NR2E1: variants seen among roughly 807,000 people sequenced by gnomAD.
The protein encoded by NR2E1 is nuclear receptor subfamily 2 group E member 1.
In NR2E1, 5 loss-of-function variants were observed where a neutral mutation model predicts 43.6. The ratio of observed to expected loss-of-function variants is 0.11; its 90% CI spans 0.06 to 0.24. The LOEUF (loss-of-function observed/expected upper bound fraction) is 0.24. Among genes scored for constraint, NR2E1 ranks in the 10% least tolerant of loss-of-function variants. NR2E1 has a pLI of 1.00. For missense variants in NR2E1, 287 were observed against 496.7 expected (o/e 0.58, Z 4.01); for synonymous variants, 191 against 195.5 (o/e 0.98, Z 0.19).
rs1360895532 is a variant in NR2E1 at position 108,171,729 on chromosome 6, T to G, written c.171+126T>G. On this transcript the variant is annotated intron_variant, in intron 2 of 8. Transcript: ENST00000368986. ...GACCCGGCCCTGACCTCTCCCTTCC[T>G]CTCCCCTCCTTCTTGCCTCAACTCT... is the stretch of plus-strand genomic sequence containing the variant. 12 of 1,203,732 alleles carry G rather than the reference T, an allele frequency of 1.0e-5. No homozygotes were observed. In the Admixed American group the frequency reaches 1.9e-4, roughly 19 times the overall value. The allele number at this position is 1,203,732 out of a possible 1,614,324, so 74.6% of individuals were successfully genotyped here.
chr6:108,170,785 C>T (rs1773799407), intron 1 of NR2E1, among the ~76,000 whole-genome samples: 1 of 152,100 alleles, frequency 6.6e-6, no homozygotes, highest in Non-Finnish European at 1.5e-5. Context: ...TTGCCTAGTC[C>T]CGAACCACTT....
In NR2E1 at chr6:108,180,307, A is replaced by C; in HGVS notation, c.643-16A>C. On this transcript the variant is annotated splice_polypyrimidine_tract_variant and intron_variant, in intron 5 of 8. Coordinates refer to ENST00000368986, the MANE Select transcript of NR2E1 (RefSeq NM_003269.5). The surrounding 1 kb of genome is among the most constrained non-coding windows in gnomAD (Gnocchi z 5.4). ...AATTACACACTATATTATATTATAC[A>C]TCTATTGTATGACAGCTGATGCTTT... 2 of 1,470,766 alleles carry C rather than the reference A, an allele frequency of 1.4e-6. No homozygotes were observed. Among genetic ancestry groups the C allele is most frequent in the Non-Finnish European group, 1.9e-6 (2 of 1,049,706 alleles). 91.1% of individuals were successfully genotyped at this position (1,470,766 alleles called of 1,614,324 possible).
intron 4 of NR2E1, 37 bp downstream of exon 4, chr6:108,176,775 A>C: frequency 6.6e-7 from 1 of 1,524,044 alleles, no homozygotes; most frequent in Non-Finnish European, 8.8e-7. Context: ...GACTCGTGCC[A>C]GCGAATGGAG....
rs1007804493 is a variant in NR2E1, at chr6:108,169,233, A to C, written c.26-2225A>C. Among the ~76,000 whole-genome samples the C allele has an allele frequency of 6.6e-6, 1 of 152,084 alleles. No homozygotes were observed. Among genetic ancestry groups the C allele is most frequent in the Non-Finnish European group, 1.5e-5 (1 of 68,008 alleles). On this transcript the variant is annotated intron_variant, in intron 1 of 8. Transcript: ENST00000368986. The surrounding 1 kb of genome is among the most constrained non-coding windows in gnomAD (Gnocchi z 6.1). ...CGCCCCAGCCCGGTTGCCTGTTTCT[A>C]ATCTGCCCCGGGAGCCGCGGCTCAG...
intron 8 of NR2E1, among the ~76,000 whole-genome samples, chr6:108,185,461 A>G (rs1402078201): frequency 6.6e-6 from 1 of 151,924 alleles, no homozygotes; most frequent in African/African-American, 2.4e-5. Context: ...CCCAGGCTGC[A>G]TTGCAGTGGT....
At chr6:108,172,678 G>A (rs1472151935) in intron 2 of NR2E1, among the ~76,000 whole-genome samples, 1 of 152,166 alleles carries the variant, frequency 6.6e-6, no homozygotes, top group Non-Finnish European at 1.5e-5. Context: ...TATATATAGG[G>A]TACATGTATA....
chr6:108,171,412 T>TG, intron 1 of NR2E1, 46 bp from the exon 2 acceptor site: 1 of 1,608,070 alleles, frequency 6.2e-7, no homozygotes, highest in Admixed American at 1.7e-5. Flanking sequence ...CGCCCTCCTT[T>TG]CCCTCTCGCC....
intron 8 of NR2E1, among the ~76,000 whole-genome samples, chr6:108,186,886 A>G (rs559247508): frequency 8.5e-4 from 130 of 152,306 alleles, no homozygotes; most frequent in African/African-American, 2.9e-3. Flanking sequence ...ATTTTATTTG[A>G]GGGAAATAGC....
Position 108,187,637 on chromosome 6 carries a change from G to A in NR2E1, c.*174G>A. On this transcript the variant is annotated 3_prime_UTR_variant, in exon 9 of 9. Transcript: ENST00000368986. ...TCCAGTAGCTATGACCTGCCGCCCT[G>A]ACCAGGATAGGGCGGGTGGGAAGGA... 2 of 690,508 alleles carry A rather than the reference G, an allele frequency of 2.9e-6. No individual in the cohort carries two copies. The highest frequency in any genetic ancestry group is 5.1e-6 in the Non-Finnish European group (2 of 394,418). The allele number at this position is 690,508 out of a possible 1,614,324, so 42.8% of individuals were successfully genotyped here.
In NR2E1 at chr6:108,169,171, A is replaced by C. The variant is rs897215636; in HGVS notation, c.26-2287A>C. On this transcript the variant is annotated intron_variant, in intron 1 of 8. Transcript: ENST00000368986. The surrounding 1 kb of genome is among the most constrained non-coding windows in gnomAD (Gnocchi z 6.1). ...GCGGAGTCTGAGGCACAGGCCCGCT[A>C]TGCCCCGGAATTTTCGCGTCCCTCC... Among the ~76,000 whole-genome samples, 2 of 152,108 alleles carry C rather than the reference A, an allele frequency of 1.3e-5. No homozygotes were observed. Among genetic ancestry groups the C allele is most frequent in the Non-Finnish European group, 2.9e-5 (2 of 68,000 alleles).
intron 8 of NR2E1, among the ~76,000 whole-genome samples, chr6:108,184,428 C>T (rs1030603434): frequency 2.6e-5 from 4 of 152,100 alleles, no homozygotes; most frequent in African/African-American, 9.7e-5. Context: ...CTTATCATTG[C>T]AAGAAGTGGG....
intron 2 of NR2E1, among the ~76,000 whole-genome samples, chr6:108,173,698 C>CTAACAG (rs1562403198): frequency 1.3e-5 from 2 of 152,208 alleles, no homozygotes; most frequent in East Asian, 3.8e-4. Context: ...TTTCTTCTCA[C>CTAACAG]TACAAATCTA....
rs377476398 is a variant in NR2E1, at chr6:108,180,327, T to C, written c.647T>C (p.Met216Thr). 1 of 1,604,284 alleles carries C rather than the reference T, an allele frequency of 6.2e-7. No individual in the cohort carries two copies. The highest frequency in any genetic ancestry group is 8.5e-7 in the Non-Finnish European group (1 of 1,171,132). The change falls in exon 6 of 9, where the codon ATG (methionine) becomes ACG (threonine). Residue 216 changes from methionine (M) to threonine (T), a missense_variant. Coordinates refer to ENST00000368986, the MANE Select transcript of NR2E1 (RefSeq NM_003269.5). The surrounding 1 kb of genome is among the most constrained non-coding windows in gnomAD (Gnocchi z 5.4). The stretch of plus-strand genomic sequence containing the variant: ...TATACATCTATTGTATGACAGCTGA[T>C]GCTTTTGGAAGATGCTTGGAGAGAA... Reference protein sequence around the residue: ...FSTLSLQDQLMLLEDAWRELF... With the variant: ...FSTLSLQDQLTLLEDAWRELF...
rs1251986791 is a variant in NR2E1, at chr6:108,166,892, C to T, written c.25+102C>T. ...TGCCTGGAGCGCTGCGAATCTGAGCCCCTGAGAGGGATTCCAGCGGGCGTG... is the reference window on the plus strand; with the variant it reads ...TGCCTGGAGCGCTGCGAATCTGAGCTCCTGAGAGGGATTCCAGCGGGCGTG... On this transcript the variant is annotated intron_variant, in intron 1 of 8. Coordinates refer to ENST00000368986, the MANE Select transcript of NR2E1 (RefSeq NM_003269.5). The surrounding 1 kb of genome is among the most constrained non-coding windows in gnomAD (Gnocchi z 7.2). The T allele has an allele frequency of 3.3e-6, 4 of 1,226,828 alleles. No homozygotes were observed. Among genetic ancestry groups the T allele is most frequent in the South Asian group, 1.3e-5 (1 of 77,718 alleles). 76.0% of individuals were successfully genotyped at this position (1,226,828 alleles called of 1,614,324 possible).
chr6:108,176,760 A>G (rs1181984529), intron 4 of NR2E1, 22 bp downstream of exon 4: 1 of 1,539,672 alleles, frequency 6.5e-7, no homozygotes, highest in Admixed American at 1.9e-5. Flanking sequence ...TGCTGGGCCC[A>G]AAGAGACTCG....
chr6:108,181,024 C>A lies in NR2E1; in HGVS notation c.889+68C>A, dbSNP rs281865508. 16 of 1,532,452 alleles carry A rather than the reference C, an allele frequency of 1.0e-5. No individual in the cohort carries two copies. In the African/African-American group the frequency reaches 1.8e-4, roughly 17 times the overall value. The allele number at this position is 1,532,452 out of a possible 1,614,324, so 94.9% of individuals were successfully genotyped here. A position where few individuals can be genotyped will look rare whatever the true frequency, so the allele number is the denominator to read the frequency against. On this transcript the variant is annotated intron_variant, in intron 7 of 8. Coordinates refer to ENST00000368986, the MANE Select transcript of NR2E1 (RefSeq NM_003269.5). ...TGCCACCTCACTAATTCAGCCACCT[C>A]GAAGTCTGAACTGACCTTTGCAAAA...
rs1774102060 is a variant in NR2E1, at chr6:108,187,975, CATT to C, written c.*517_*519del. 3 of 169,196 alleles carry C rather than the reference CATT, an allele frequency of 1.8e-5. No individual in the cohort carries two copies. Among genetic ancestry groups the C allele is most frequent in the Non-Finnish European group, 2.6e-5 (2 of 76,692 alleles). 10.5% of individuals were successfully genotyped at this position (169,196 alleles called of 1,614,324 possible). A position where few individuals can be genotyped will look rare whatever the true frequency, so the allele number is the denominator to read the frequency against. ...CAAAAGTTTCCCCTCTATTGTAATA[CATT>C]ATTAAGTGGCCTTCAGAACTGAGTT... On this transcript the variant is annotated 3_prime_UTR_variant, in exon 9 of 9. Coordinates refer to ENST00000368986, the MANE Select transcript of NR2E1 (RefSeq NM_003269.5).
rs1008354954 is a variant in NR2E1 at position 108,166,843 on chromosome 6, G to A, written c.25+53G>A. On this transcript the variant is annotated intron_variant, in intron 1 of 8. Transcript: ENST00000368986. The surrounding 1 kb of genome is among the most constrained non-coding windows in gnomAD (Gnocchi z 7.2). ...CCTAGGCGCGCAGCCTGGGGCGAGC[G>A]AGCGGGGAGGCTGGGGGAGGTCCTG... 3.9e-6 allele frequency: 6 copies of A among 1,551,602 alleles called. No individual in the cohort carries two copies. The highest frequency in any genetic ancestry group is 2.7e-5 in the African/African-American group (2 of 74,124).
chr6:108,179,630 C>G (rs59423866), intron 5 of NR2E1, among the ~76,000 whole-genome samples: 1 of 151,396 alleles, frequency 6.6e-6, no homozygotes, highest in Admixed American at 6.6e-5. Context: ...AGAAATCCTT[C>G]GACAACAAGC....
Sources: gnomAD v4.1 joint callset for allele counts (sites outside exome capture counted in the v4.1 genomes callset) on GRCh38, gnomAD v4.1.1 for gene constraint, Gnocchi (gnomAD v3.1) non-coding constraint, MANE v1.5 for transcripts, NCBI Gene and HGNC (gene_info 2026-07-23, HGNC 2026-07-21) for gene names.